The following REXO4 variants were observed in gnomAD, a reference collection of about 807,000 sequenced individuals.
The protein encoded by REXO4 is RNA exonuclease 4, also known as REX4 homolog, 3'-5' exonuclease.
In REXO4, 29 loss-of-function variants were observed where a neutral mutation model predicts 39.9. That is an observed-to-expected ratio of 0.73 (90% CI 0.54 to 0.99). REXO4 has a LOEUF of 0.99. Ranked by LOEUF, REXO4 falls within the 50% of genes least tolerant of loss-of-function variation. The pLI, the probability that REXO4 is intolerant of heterozygous loss-of-function variation, is 0.00. For synonymous variants in REXO4, 184 were observed against 206.2 expected, an observed-to-expected ratio of 0.89 and a Z score of 0.92; for missense variants, 524 against 546.5, an observed-to-expected ratio of 0.96 and a Z score of 0.41.
At chr9:133,417,306 C>G (rs1250232613) in intron 1 of REXO4, among the ~76,000 whole-genome samples, 1 of 152,210 alleles carries the variant, frequency 6.6e-6, no homozygotes, top group South Asian at 2.1e-4. Context: ...CGTGAGGCCC[C>G]GCGCCCGGCC....
chr9:133,411,677 A>G (rs987883079), intron 4 of REXO4, among the ~76,000 whole-genome samples: 2 of 152,156 alleles, frequency 1.3e-5, no homozygotes, highest in African/African-American at 4.8e-5. Context: ...CTGTAATTCC[A>G]GCACTTTGGG....
At chr9:133,407,494 A>G (rs2182812) in intron 7 of REXO4, among the ~76,000 whole-genome samples, 78,210 of 151,904 alleles carry the variant, frequency 0.51, 20,462 homozygotes, top group African/African-American at 0.56. Flanking sequence ...GCTGCTCAGC[A>G]GGGCCGGGCA....
chr9:133,417,504 G>A, intron 1 of REXO4, 116 bp downstream of exon 1: 1 of 1,089,512 alleles, frequency 9.2e-7, no homozygotes, highest in South Asian at 1.4e-5. Context: ...CTGTTTACAA[G>A]ATTTCGATTC....
chr9:133,412,750 C>T, intron 3 of REXO4, 28 bp downstream of exon 3: 1 of 1,605,104 alleles, frequency 6.2e-7, no homozygotes, highest in South Asian at 1.1e-5. Context: ...GCATCCCCAG[C>T]AGACCCCACT....
chr9:133,416,833 G>A (rs1172259557), intron 1 of REXO4, among the ~76,000 whole-genome samples: 1 of 152,174 alleles, frequency 6.6e-6, no homozygotes, highest in Non-Finnish European at 1.5e-5. Context: ...TCTTATTGTG[G>A]GGATTGCAAC....
chr9:133,407,998 T>C (rs1420324022), intron 6 of REXO4, 117 bp from the exon 7 acceptor site: 5 of 724,366 alleles, frequency 6.9e-6, no homozygotes, highest in Admixed American at 2.4e-5. Flanking sequence ...ACAGTTTGCC[T>C]CTCAGTGGAG....
rs1839204188 is a variant in REXO4, at chr9:133,411,361, T to C, written c.911-288A>G. On this transcript the variant is annotated intron_variant, in intron 4 of 7. Transcript: ENST00000371942. ...TGGCTGGAGGAGAGCATATGTTGAG[T>C]GTAGGCACTGAGAAACTTTTAGAGC... 3.3e-5 allele frequency among the ~76,000 whole-genome samples: 5 copies of C among 152,180 alleles called. No individual in the cohort carries two copies. In the South Asian group the frequency reaches 1.0e-3, roughly 31 times the overall value.
intron 3 of REXO4, 71 bp downstream of exon 3, chr9:133,412,707 C>G (rs1554780472): frequency 1.3e-6 from 2 of 1,581,536 alleles, no homozygotes; most frequent in African/African-American, 2.7e-5. Flanking sequence ...AAAGCATCCT[C>G]TTCCTTGAAG....
At chr9:133,416,439 C>T (rs1258562478) in intron 1 of REXO4, among the ~76,000 whole-genome samples, 1 of 152,186 alleles carries the variant, frequency 6.6e-6, no homozygotes, top group Non-Finnish European at 1.5e-5. Flanking sequence ...ACTTGAACTC[C>T]TGAGCTCAAG....
chr9:133,418,126 G>A (rs989692771), upstream of REXO4: 2 of 481,612 alleles, frequency 4.2e-6, no homozygotes, highest in African/African-American at 4.1e-5. Context: ...ACGGGACTTG[G>A]GCCGCCGCCT....
chr9:133,413,750 G>A (rs3118662), intron 2 of REXO4, among the ~76,000 whole-genome samples: 52,306 of 151,962 alleles, frequency 0.34, 9,668 homozygotes, highest in East Asian at 0.51. Context: ...TGTTCCAGGC[G>A]CCCAATACCT....
In REXO4 at chr9:133,406,114, C is replaced by G. The variant is rs1419949389; in HGVS notation, c.*839G>C. ...AAATCGCATCCTCGGTGTGTCTGCC[C>G]CTTTTCTGTCCAGCTGTCAGGTGGC... On this transcript the variant is annotated 3_prime_UTR_variant, in exon 8 of 8. Coordinates refer to ENST00000371942, the MANE Select transcript of REXO4 (RefSeq NM_020385.4). 1 of 152,248 alleles carries G rather than the reference C, an allele frequency of 6.6e-6. No homozygotes were observed. Among genetic ancestry groups the G allele is most frequent in the African/African-American group, 2.4e-5 (1 of 41,456 alleles). The allele number at this position is 152,248 out of a possible 1,614,324, so 9.4% of individuals were successfully genotyped here.
At position 133,417,746 on chromosome 9, in the gene REXO4, C is replaced by G; in HGVS notation, c.99G>C (p.Lys33Asn). 6.2e-7 allele frequency: 1 copy of G among 1,613,854 alleles called. No individual in the cohort carries two copies. Among genetic ancestry groups the G allele is most frequent in the Non-Finnish European group, 8.5e-7 (1 of 1,179,966 alleles). Reference sequence around the variant, plus strand: ...CCTTGCTTTTCCAAAACCTTTTTTTCTTCTTGTTTTTCTTCCGAGTGAGCG... The same window carrying G: ...CCTTGCTTTTCCAAAACCTTTTTTTGTTCTTGTTTTTCTTCCGAGTGAGCG... ...VKTLTRKKNK[K>N]KKRFWKSKAR... Residue 33 changes from lysine (K) to asparagine (N), a missense_variant, in exon 1 of 8, where the codon AAG becomes AAC. Lys to Asn is a moderately conservative substitution (Grantham distance 94). Transcript: ENST00000371942.
chr9:133,416,772 G>A (rs192327036), intron 1 of REXO4, among the ~76,000 whole-genome samples: 1 of 152,188 alleles, frequency 6.6e-6, no homozygotes, highest in African/African-American at 2.4e-5. Flanking sequence ...AACTTTTCCA[G>A]CCTATTTCCT....
rs782654264 is a variant in REXO4 at position 133,407,801 on chromosome 9, A to C, written c.1149+6T>G. The C allele has an allele frequency of 6.2e-7, 1 of 1,613,240 alleles. No individual in the cohort carries two copies. The highest frequency in any genetic ancestry group is 1.1e-5 in the South Asian group (1 of 91,050). ...CCCCATGAACTACCCCACAGGACAC[A>C]CTTACTGAACAGTGCTCCGCCTGCT... On this transcript the variant is annotated splice_donor_region_variant and intron_variant, in intron 7 of 7. Transcript: ENST00000371942.
At chr9:133,413,628 A>C (rs956820989) in intron 2 of REXO4, among the ~76,000 whole-genome samples, 1 of 152,194 alleles carries the variant, frequency 6.6e-6, no homozygotes, top group Non-Finnish European at 1.5e-5. Context: ...CGTACTAGGA[A>C]GCTCACACAG....
rs782538775 is a variant in REXO4, at chr9:133,417,737, C to A, written c.108G>T (p.Arg36Ser). ...CTTCCCGCGCCTTGCTTTTCCAAAA[C>A]CTTTTTTTCTTCTTGTTTTTCTTCC... ...LTRKKNKKKK[R>S]FWKSKAREVS... The change falls in exon 1 of 8, where the codon AGG becomes AGT. Residue 36 changes from arginine to serine, a missense_variant. By Grantham distance (110) the Arg-to-Ser change is moderately radical. Coordinates refer to ENST00000371942, the MANE Select transcript of REXO4 (RefSeq NM_020385.4). 1.9e-6 allele frequency: 3 copies of A among 1,614,072 alleles called. No individual in the cohort carries two copies. The highest frequency in any genetic ancestry group is 2.5e-6 in the Non-Finnish European group (3 of 1,179,984).
At chr9:133,407,219 G>A (rs1554779085) in intron 7 of REXO4, 147 bp from the exon 8 acceptor site, 3 of 1,271,274 alleles carry the variant, frequency 2.4e-6, no homozygotes, top group African/African-American at 2.9e-5. Context: ...CACCAGGACG[G>A]GGAGGGAGGA....
intron 5 of REXO4, 93 bp from the exon 6 acceptor site, chr9:133,408,935 TG>T: frequency 2.7e-5 from 2 of 74,802 alleles, no homozygotes; most frequent in South Asian, 1.2e-4. Context: ...GTAACATCTT[TG>T]TGTGTGTGTG....
Sources: gnomAD v4.1 joint callset for allele counts (sites outside exome capture counted in the v4.1 genomes callset) on GRCh38, gnomAD v4.1.1 for gene constraint, MANE v1.5 for transcripts, NCBI Gene and HGNC (gene_info 2026-07-23, HGNC 2026-07-21) for gene names.